The following TRIP12 variants were observed in gnomAD, a reference collection of about 807,000 sequenced individuals.
The protein encoded by TRIP12 is E3 ubiquitin-protein ligase TRIP12.
In TRIP12, 25 loss-of-function variants were observed where a neutral mutation model predicts 244.2. That is an observed-to-expected ratio of 0.10 (90% CI 0.07 to 0.14). The LOEUF is 0.14. Ranked by LOEUF, TRIP12 falls within the 10% of genes least tolerant of loss-of-function variation. The pLI is 1.00. For synonymous variants in TRIP12, 905 were observed against 873.1 expected, an observed-to-expected ratio of 1.04 and a Z score of -0.64; for missense variants, 1,677 against 2,486.4, an observed-to-expected ratio of 0.67 and a Z score of 6.92.
intron 15 of TRIP12, among the ~76,000 whole-genome samples, chr2:229,809,995 T>C (rs1230462052): frequency 6.6e-6 from 1 of 152,212 alleles, no homozygotes; most frequent in Non-Finnish European, 1.5e-5. Context: ...TCCATAGAGA[T>C]TAGAATTATG....
chr2:229,797,962 C>T, intron 23 of TRIP12, 131 bp from the exon 24 acceptor site: 1 of 914,066 alleles, frequency 1.1e-6, no homozygotes, highest in Non-Finnish European at 1.6e-6. Context: ...ACTCCAGATT[C>T]CATAACCAAA....
intron 25 of TRIP12, among the ~76,000 whole-genome samples, chr2:229,795,679 C>T (rs1296894029): frequency 6.6e-6 from 1 of 152,144 alleles, no homozygotes; most frequent in East Asian, 1.9e-4. Context: ...ATATTTAATG[C>T]ATATAATATA....
At chr2:229,916,385 T>C (rs972118972) in intron 1 of TRIP12, among the ~76,000 whole-genome samples, 2 of 152,194 alleles carry the variant, frequency 1.3e-5, no homozygotes, top group Non-Finnish European at 2.9e-5. Flanking sequence ...TTGAATGACT[T>C]TTTAAATCAA....
At chr2:229,845,242 C>T (rs1337357414) in intron 4 of TRIP12, among the ~76,000 whole-genome samples, 3 of 152,210 alleles carry the variant, frequency 2.0e-5, no homozygotes. Flanking sequence ...ATCATGTGAA[C>T]TGATTTGTAT....
intron 1 of TRIP12, among the ~76,000 whole-genome samples, chr2:229,912,906 G>A (rs998064742): frequency 1.3e-5 from 2 of 152,128 alleles, no homozygotes; most frequent in African/African-American, 2.4e-5. Context: ...GTCTCACTCT[G>A]TGGCCTAGAC....
At chr2:229,913,441 G>A (rs2074719749) in intron 1 of TRIP12, among the ~76,000 whole-genome samples, 2 of 152,138 alleles carry the variant, frequency 1.3e-5, no homozygotes, top group African/African-American at 4.8e-5. Flanking sequence ...GCACAATTGT[G>A]GCACACAGTA....
At chr2:229,901,448 C>T (rs1305814961) in intron 1 of TRIP12, among the ~76,000 whole-genome samples, 1 of 150,930 alleles carries the variant, frequency 6.6e-6, no homozygotes, top group African/African-American at 2.4e-5. Flanking sequence ...TGGTGAAACC[C>T]CCCTCCTCTA....
rs2075335631 is a variant in TRIP12 at position 229,916,126 on chromosome 2, CT to C, written c.-50+5753del. 2.6e-5 allele frequency among the ~76,000 whole-genome samples: 4 copies of C among 152,270 alleles called. No homozygotes were observed. The South Asian group carries it at 8.3e-4, about 32-fold the overall frequency. On this transcript the variant is annotated intron_variant, in intron 1 of 41. Coordinates refer to ENST00000675903, the MANE Select transcript of TRIP12 (RefSeq NM_001348323.3). The stretch of plus-strand genomic sequence containing the variant: ...TTGTGTTCCAATTCATCTGTGGAGC[CT>C]AATCTAAATACAGAATGTCTAGCAT...
At chr2:229,825,954 C>T (rs1207495206) in intron 8 of TRIP12, among the ~76,000 whole-genome samples, 1 of 152,158 alleles carries the variant, frequency 6.6e-6, no homozygotes, top group Non-Finnish European at 1.5e-5. Flanking sequence ...CACATCTCAA[C>T]CCACTGCTTA....
At chr2:229,842,376 G>C (rs936667549) in intron 4 of TRIP12, among the ~76,000 whole-genome samples, 2 of 151,982 alleles carry the variant, frequency 1.3e-5, no homozygotes, top group Admixed American at 1.3e-4. Context: ...AATAGATCTA[G>C]GGAGCTAGCT....
intron 21 of TRIP12, among the ~76,000 whole-genome samples, chr2:229,800,194 C>T (rs2043914684): frequency 6.6e-6 from 1 of 152,116 alleles, no homozygotes; most frequent in Non-Finnish European, 1.5e-5. Flanking sequence ...CATAGTGTGA[C>T]AATGGCAATA....
chr2:229,796,930 G>A (rs2042956959), intron 24 of TRIP12, 148 bp from the exon 25 acceptor site: 1 of 542,782 alleles, frequency 1.8e-6, no homozygotes, highest in African/African-American at 2.1e-5. Flanking sequence ...TAAATCCTTG[G>A]AAATTATGAT....
chr2:229,914,775 A>C (rs915921949), intron 1 of TRIP12, among the ~76,000 whole-genome samples: 1 of 152,164 alleles, frequency 6.6e-6, no homozygotes, highest in Admixed American at 6.5e-5. Context: ...AAATGCTGTA[A>C]CTTCAAGTCT....
intron 37 of TRIP12, among the ~76,000 whole-genome samples, chr2:229,774,533 G>GT (rs1574774049): frequency 6.6e-6 from 1 of 152,278 alleles, no homozygotes; most frequent in Non-Finnish European, 1.5e-5. Flanking sequence ...AAATTTCACA[G>GT]TAAGTGCATA....
At chr2:229,801,707 A>G (rs2154268751) in intron 21 of TRIP12, among the ~76,000 whole-genome samples, 1 of 152,372 alleles carries the variant, frequency 6.6e-6, no homozygotes, top group South Asian at 2.1e-4. Flanking sequence ...TTAAAAGCTG[A>G]TAAATAAATG....
chr2:229,807,560 G>A, intron 17 of TRIP12, 148 bp downstream of exon 17: 1 of 981,388 alleles, frequency 1.0e-6, no homozygotes, highest in Non-Finnish European at 1.6e-6. Flanking sequence ...CAGAAATGAG[G>A]ACCTTGTTCT....
chr2:229,868,711 C>T (rs2061989372), intron 2 of TRIP12, among the ~76,000 whole-genome samples: 1 of 152,166 alleles, frequency 6.6e-6, no homozygotes, highest in Admixed American at 6.5e-5. Context: ...AAGGCACTCA[C>T]ACCGGTTAAA....
At chr2:229,917,129 C>G (rs1194375195) in intron 1 of TRIP12, among the ~76,000 whole-genome samples, 3 of 151,966 alleles carry the variant, frequency 2.0e-5, no homozygotes, top group African/African-American at 7.2e-5. Context: ...GCCTGTAATC[C>G]CAGCACTTTG....
At position 229,880,032 on chromosome 2, in the gene TRIP12, T is replaced by G. The variant is rs1411565349; in HGVS notation, c.48A>C (p.Ser16=). 6.2e-7 allele frequency: 1 copy of G among 1,614,164 alleles called. No homozygotes were observed. The highest frequency in any genetic ancestry group is 1.7e-4 in the Middle Eastern group (1 of 6,060). Reference sequence around the variant, plus strand: ...GTTGGGCCCCGGCAGTGTTCCTCTGTGAACGTCGCAGTGACCCCCCTGGAT... The same window carrying G: ...GTTGGGCCCCGGCAGTGTTCCTCTGGGAACGTCGCAGTGACCCCCCTGGAT... ...NNNPGGSLRR[S]QRNTAGAQPQ... The change falls in exon 2 of 42, where the codon TCA becomes TCC. Residue 16 remains serine, a synonymous_variant. Coordinates refer to ENST00000675903, the MANE Select transcript of TRIP12 (RefSeq NM_001348323.3).
Sources: allele counts gnomAD v4.1 joint callset (sites outside exome capture counted in the v4.1 genomes callset), GRCh38; gene constraint gnomAD v4.1.1; transcripts MANE v1.5; gene names NCBI Gene and HGNC (gene_info 2026-07-23, HGNC 2026-07-21).